Variants in OR8B3 observed in about 807,000 individuals in gnomAD.
The protein encoded by OR8B3 is olfactory receptor family 8 subfamily B member 3.
For missense variants in OR8B3, 278 were observed against 377.6 expected (o/e 0.74, Z 2.19); for synonymous variants, 102 against 135.4 (o/e 0.75, Z 1.71).
At chr11:124,403,996 C>G (rs1386483585), upstream of OR8B3, among the ~76,000 whole-genome samples, 6 of 152,100 alleles carry the variant, frequency 3.9e-5, no homozygotes, top group Non-Finnish European at 1.5e-5. Context: ...GCCTGCAATC[C>G]CAGGCACTCG....
rs781631078 is a variant in OR8B3, at chr11:124,396,558, C to G, written c.794G>C (p.Gly265Ala). ...AAFMYIKYSS[G>A]SMEQGKVSSV... is the part of the protein sequence containing the mutation. ...AGAAACTTTTCCCTGCTCCATAGATCCAGAAGAATATTTAATATACATGAA... is the reference window on the plus strand; with the variant it reads ...AGAAACTTTTCCCTGCTCCATAGATGCAGAAGAATATTTAATATACATGAA... Residue 265 changes from glycine to alanine, a missense_variant, in exon 2 of 2, where the codon GGA becomes GCA. By Grantham distance (60) the Gly-to-Ala change is moderately conservative. Coordinates refer to ENST00000641139, the MANE Select transcript of OR8B3 (RefSeq NM_001005467.2). The G allele has an allele frequency of 1.2e-6, 2 of 1,613,322 alleles. No individual in the cohort carries two copies. Among genetic ancestry groups the G allele is most frequent in the South Asian group, 2.2e-5 (2 of 91,022 alleles).
chr11:124,405,310 TC>T, the OR8B3 span, among the ~76,000 whole-genome samples: 54 of 152,150 alleles, frequency 3.5e-4, no homozygotes, highest in African/African-American at 1.2e-3. Flanking sequence ...CTTCTCTCCC[TC>T]CCCCAAGTCA....
rs1231775345 is a variant in OR8B3 at position 124,398,967 on chromosome 11, T to C, written c.-295A>G. ...CAGAGCTACCATGTCATAGAGCACA[T>C]GGCATTTGCTCAAGGCTTACAATTC... On this transcript the variant is annotated 5_prime_UTR_variant, in exon 1 of 2. An upstream start codon of the reference 5' UTR is lost. Transcript: ENST00000641139. 1 of 152,248 alleles carries C rather than the reference T, an allele frequency of 6.6e-6. No homozygotes were observed. The highest frequency in any genetic ancestry group is 1.9e-4 in the East Asian group (1 of 5,198). The allele number at this position is 152,248 out of a possible 1,614,324, so 9.4% of individuals were successfully genotyped here.
upstream of OR8B3, among the ~76,000 whole-genome samples, chr11:124,399,753 A>G (rs748386460): frequency 2.0e-5 from 3 of 152,234 alleles, no homozygotes; most frequent in Non-Finnish European, 4.4e-5. Context: ...ACATAGGTTC[A>G]ATAATGTTAA....
At chr11:124,399,225 T>A (rs1393485980), upstream of OR8B3, among the ~76,000 whole-genome samples, 1 of 152,102 alleles carries the variant, frequency 6.6e-6, no homozygotes, top group Non-Finnish European at 1.5e-5. Flanking sequence ...ATTATAATCC[T>A]AGGTAGTATA....
At chr11:124,397,777 A>C (rs1397464228) in intron 1 of OR8B3, among the ~76,000 whole-genome samples, 1 of 150,036 alleles carries the variant, frequency 6.7e-6, no homozygotes, top group African/African-American at 2.5e-5. Context: ...GCTCACTGCA[A>C]CCTCTGCCTC....
the OR8B3 span, among the ~76,000 whole-genome samples, chr11:124,406,411 A>G: frequency 1.3e-5 from 2 of 152,128 alleles, no homozygotes; most frequent in Non-Finnish European, 2.9e-5. Flanking sequence ...TCGCCTATAT[A>G]TATAAAACGT....
At chr11:124,403,598 G>A (rs567618936), upstream of OR8B3, among the ~76,000 whole-genome samples, 441 of 151,812 alleles carry the variant, frequency 2.9e-3, 2 homozygotes, top group African/African-American at 0.01. Flanking sequence ...ACGTGATGGC[G>A]GCCGGGAAGA....
At chr11:124,400,473 A>T (rs1860976411), upstream of OR8B3, among the ~76,000 whole-genome samples, 1 of 152,008 alleles carries the variant, frequency 6.6e-6, no homozygotes. Flanking sequence ...TTTGACCAAC[A>T]TCTCATTCCC....
intron 1 of OR8B3, among the ~76,000 whole-genome samples, chr11:124,398,132 G>C (rs1298258263): frequency 2.6e-5 from 4 of 152,130 alleles, no homozygotes; most frequent in South Asian, 4.2e-4. Flanking sequence ...GTCTCCTATA[G>C]GGTTTCTAGA....
At chr11:124,399,980 C>T (rs918845277), upstream of OR8B3, among the ~76,000 whole-genome samples, 2 of 151,992 alleles carry the variant, frequency 1.3e-5, no homozygotes, top group African/African-American at 4.8e-5. Context: ...CCCACCTCAG[C>T]CTCCCAAGTA....
At chr11:124,403,597 C>T (rs1379064166), upstream of OR8B3, among the ~76,000 whole-genome samples, 3 of 151,966 alleles carry the variant, frequency 2.0e-5, no homozygotes, top group South Asian at 2.1e-4. Context: ...GACGTGATGG[C>T]GGCCGGGAAG....
At chr11:124,403,527 A>C (rs1861032389), upstream of OR8B3, among the ~76,000 whole-genome samples, 1 of 147,972 alleles carries the variant, frequency 6.8e-6, no homozygotes, top group South Asian at 2.2e-4. Flanking sequence ...GCGGCGGGGC[A>C]GAGGCGCTCC....
At chr11:124,398,189 C>A (rs1469882214) in intron 1 of OR8B3, among the ~76,000 whole-genome samples, 3 of 152,148 alleles carry the variant, frequency 2.0e-5, no homozygotes, top group Non-Finnish European at 4.4e-5. Flanking sequence ...TAACAGAAGA[C>A]CCTTAGTAGT....
At chr11:124,397,939 C>A (rs1860918192) in intron 1 of OR8B3, among the ~76,000 whole-genome samples, 1 of 152,260 alleles carries the variant, frequency 6.6e-6, no homozygotes, top group South Asian at 2.1e-4. Context: ...AGATGATCCA[C>A]CTGCCTCAGC....
the OR8B3 span, among the ~76,000 whole-genome samples, chr11:124,408,364 T>C: frequency 6.6e-6 from 1 of 152,338 alleles, no homozygotes; most frequent in South Asian, 2.1e-4. Flanking sequence ...GGGAAAGTAC[T>C]CAGTCTTCAA....
rs1457760464 is a variant in OR8B3, at chr11:124,396,868, AC to A, written c.483del (p.Cys162AlafsTer130). On this transcript the variant is annotated frameshift_variant, in exon 2 of 2. Coordinates refer to ENST00000641139, the MANE Select transcript of OR8B3 (RefSeq NM_001005467.2). LOFTEE classifies it low-confidence loss of function (END_TRUNC). ...CTGCAGAAGGTGAGTCTAAGCATGC[AC>A]CCGGTGTGGGCCGTGGCTCCAGCCA... ...MGLAGATAHT[G>X]CMLRLTFCSA... The A allele has an allele frequency of 6.2e-7, 1 of 1,608,024 alleles. No individual in the cohort carries two copies. Among genetic ancestry groups the A allele is most frequent in the African/African-American group, 1.3e-5 (1 of 74,522 alleles).
chr11:124,406,386 T>TCTC, the OR8B3 span, among the ~76,000 whole-genome samples: 2 of 152,132 alleles, frequency 1.3e-5, no homozygotes, highest in Admixed American at 6.5e-5. Flanking sequence ...TTGTTCTCCT[T>TCTC]CTCCTCATTC....
At chr11:124,403,477 G>T (rs1442227184), upstream of OR8B3, among the ~76,000 whole-genome samples, 4 of 151,736 alleles carry the variant, frequency 2.6e-5, no homozygotes, top group Non-Finnish European at 4.4e-5. Flanking sequence ...CCCAGATGGG[G>T]TCGCGGCCGG....
Sources: allele counts gnomAD v4.1 joint callset (sites outside exome capture counted in the v4.1 genomes callset), GRCh38; gene constraint gnomAD v4.1.1; transcripts MANE v1.5; gene names NCBI Gene and HGNC (gene_info 2026-07-23, HGNC 2026-07-21).